DNAH11: variants seen among roughly 807,000 people sequenced by gnomAD.
The protein encoded by DNAH11 is dynein axonemal heavy chain 11.
Under a neutral mutation model 526.0 loss-of-function variants are expected in DNAH11, and 442 were observed. That is an observed-to-expected ratio of 0.84 (90% CI 0.78 to 0.91). The LOEUF is 0.91. Ranked by LOEUF, DNAH11 falls within the 40% of genes least tolerant of loss-of-function variation. The probability of loss-of-function intolerance (pLI) is 0.00; values close to 1 mark genes in which losing one functional copy is unlikely to be tolerated. For synonymous variants in DNAH11, 2,461 were observed against 1,935.9 expected (o/e 1.27, Z -7.12); for missense variants, 6,989 against 5,448.7 (o/e 1.28, Z -8.90).
At position 21,638,335 on chromosome 7, in the gene DNAH11, T is replaced by G. The variant is rs182460841; in HGVS notation, c.4818-604T>G. 1.8e-4 allele frequency among the ~76,000 whole-genome samples: 27 copies of G among 152,322 alleles called. No individual in the cohort carries two copies. In the East Asian group the frequency reaches 4.4e-3, roughly 25 times the overall value. ...CAGAGCAGTTTTATAGTCTGAAAGT[T>G]TTTTTGGTAACGAAAAGGGCGAAGT... On this transcript the variant is annotated intron_variant, in intron 27 of 81. Transcript: ENST00000409508.
intron 5 of DNAH11, among the ~76,000 whole-genome samples, chr7:21,562,348 T>C (rs1783496691): frequency 6.6e-6 from 1 of 152,212 alleles, no homozygotes; most frequent in South Asian, 2.1e-4. Flanking sequence ...GGGGGCAAGA[T>C]TTCTCCTGGT....
intron 76 of DNAH11, among the ~76,000 whole-genome samples, 153 bp from the exon 77 acceptor site, chr7:21,892,272 C>A (rs1784352195): frequency 6.6e-6 from 1 of 152,158 alleles, no homozygotes; most frequent in African/African-American, 2.4e-5. Context: ...GCATATAGAG[C>A]AAAATTGTTG....
intron 55 of DNAH11, 22 bp downstream of exon 55, chr7:21,765,611 CACACACACACACACACACA>C: frequency 3.4e-6 from 1 of 290,830 alleles, no homozygotes; most frequent in Non-Finnish European, 3.9e-6. Flanking sequence ...CAGCCTGCGT[CACACACACACACACACACA>C]CACACACACA....
At position 21,786,692 on chromosome 7, in the gene DNAH11, G is replaced by A; in HGVS notation, c.9666G>A (p.Val3222=). The A allele has an allele frequency of 6.2e-7, 1 of 1,613,874 alleles. No individual in the cohort carries two copies. Among genetic ancestry groups the A allele is most frequent in the Non-Finnish European group, 8.5e-7 (1 of 1,179,798 alleles). The change falls in exon 59 of 82, where the codon GTG becomes GTA. Residue 3222 remains valine (V), a synonymous_variant. Transcript: ENST00000409508. ...PIAVTNVTAA[V]MVLLAPRGRV... Reference sequence around the variant, plus strand: ...CAGTTACCAATGTTACTGCAGCCGTGATGGTCCTTCTGGCTCCTCGGGGAA... The same window carrying A: ...CAGTTACCAATGTTACTGCAGCCGTAATGGTCCTTCTGGCTCCTCGGGGAA...
At chr7:21,773,618 C>T (rs1042021076) in intron 55 of DNAH11, 148 bp from the exon 56 acceptor site, 41 of 615,408 alleles carry the variant, frequency 6.7e-5, no homozygotes, top group South Asian at 2.4e-4. Flanking sequence ...CTGTGGATAG[C>T]GCTTAAAGAT....
Position 21,748,713 on chromosome 7 carries a change from A to G in DNAH11, c.8644A>G (p.Thr2882Ala). The change falls in exon 52 of 82, where the codon ACC becomes GCC. Residue 2882 changes from threonine (T) to alanine (A), a missense_variant. Coordinates refer to ENST00000409508, the MANE Select transcript of DNAH11 (RefSeq NM_001277115.2). Reference protein sequence around the residue: ...RGLEVFQITLTEGYGIQELRV... With the variant: ...RGLEVFQITLAEGYGIQELRV... Reference sequence around the variant, plus strand: ...CCTTGAGGTCTTTCAGATCACTCTGACCGAGGGCTATGGAATCCAGGAACT... The same window carrying G: ...CCTTGAGGTCTTTCAGATCACTCTGGCCGAGGGCTATGGAATCCAGGAACT... The G allele has an allele frequency of 6.2e-7, 1 of 1,613,258 alleles. No homozygotes were observed. The highest frequency in any genetic ancestry group is 8.5e-7 in the Non-Finnish European group (1 of 1,179,576).
At chr7:21,589,541 C>T (rs769062810) in intron 12 of DNAH11, 138 bp downstream of exon 12, 11 of 651,086 alleles carry the variant, frequency 1.7e-5, no homozygotes, top group Non-Finnish European at 2.7e-5. Flanking sequence ...CAATTTCTTA[C>T]AGGTCTTCAT....
chr7:21,580,152 G>A (rs1316269118), intron 8 of DNAH11, among the ~76,000 whole-genome samples: 2 of 152,120 alleles, frequency 1.3e-5, no homozygotes, highest in Non-Finnish European at 2.9e-5. Context: ...TGAGAAGGGA[G>A]GGAGGTGACA....
intron 30 of DNAH11, among the ~76,000 whole-genome samples, chr7:21,677,331 G>T (rs1782935784): frequency 6.6e-6 from 1 of 151,376 alleles, no homozygotes; most frequent in Non-Finnish European, 1.5e-5. Flanking sequence ...ATAATTCTTG[G>T]AATATTTAAT....
Position 21,704,597 on chromosome 7 carries a change from G to T in DNAH11, c.6437G>T (p.Arg2146Leu), listed in dbSNP as rs727505321. ...GTCAGGCAGTCTACCCTGGAGCTCC[G>T]CCTGCAGCCTGAAGAGAGCTTCATC... ...QMVRQSTLEL[R>L]LQPEESFILK... is the part of the protein sequence containing the mutation. The change falls in exon 38 of 82, where the codon CGC becomes CTC. Residue 2146 changes from arginine to leucine, a missense_variant. By Grantham distance (102) the Arg-to-Leu change is moderately radical (BLOSUM62 -2). Coordinates refer to ENST00000409508, the MANE Select transcript of DNAH11 (RefSeq NM_001277115.2). 6 of 1,608,532 alleles carry T rather than the reference G, an allele frequency of 3.7e-6. No homozygotes were observed. The South Asian group carries it at 5.6e-5, about 15-fold the overall frequency.
chr7:21,854,569 A>T, intron 68 of DNAH11, 114 bp downstream of exon 68: 1 of 1,177,512 alleles, frequency 8.5e-7, no homozygotes, highest in Non-Finnish European at 1.2e-6. Flanking sequence ...ACTATTATTG[A>T]GACAGAGTCT....
At chr7:21,607,210 G>A (rs1266558185) in intron 20 of DNAH11, among the ~76,000 whole-genome samples, 1 of 152,106 alleles carries the variant, frequency 6.6e-6, no homozygotes, top group Non-Finnish European at 1.5e-5. Context: ...TCCAGTGTTC[G>A]TGGACAAGAA....
chr7:21,720,728 CTA>C lies in DNAH11; in HGVS notation c.7140_7141del (p.Val2382SerfsTer9), dbSNP rs878854445. On this transcript the variant is annotated frameshift_variant, in exon 44 of 82. Coordinates refer to ENST00000409508, the MANE Select transcript of DNAH11 (RefSeq NM_001277115.2). LOFTEE classifies it high-confidence loss of function. ...SIPESSLVQT[L>X]CVLLECLLTP... ...TTGACTATTTCTTTTTCTTTAGACT[CTA>C]TGTGTTCTTTTGGAGTGCTTGCTGA... 14 of 1,567,604 alleles carry C rather than the reference CTA, an allele frequency of 8.9e-6. No homozygotes were observed. The African/African-American group carries it at 1.5e-4, about 17-fold the overall frequency.
At chr7:21,860,545 G>A (rs958432486) in intron 68 of DNAH11, among the ~76,000 whole-genome samples, 4 of 152,328 alleles carry the variant, frequency 2.6e-5, no homozygotes, top group African/African-American at 9.6e-5. Flanking sequence ...AAGCAACCCA[G>A]ATGTCCGTCA....
At chr7:21,818,464 C>T in intron 65 of DNAH11, 125 bp downstream of exon 65, 2 of 1,008,148 alleles carry the variant, frequency 2.0e-6, no homozygotes, top group Non-Finnish European at 1.4e-6. Context: ...CCATTTCATG[C>T]ACCTACACTC....
intron 9 of DNAH11, among the ~76,000 whole-genome samples, chr7:21,584,033 A>G (rs997925066): frequency 1.3e-5 from 2 of 152,212 alleles, no homozygotes; most frequent in African/African-American, 4.8e-5. Flanking sequence ...TTCCTCAAGG[A>G]TCTAGAACCA....
At chr7:21,683,509 A>AG (rs376860873) in intron 31 of DNAH11, among the ~76,000 whole-genome samples, 5 of 148,580 alleles carry the variant, frequency 3.4e-5, no homozygotes, top group African/African-American at 1.3e-4. Context: ...AGATTTATCT[A>AG]ATCCCCTGGG....
At chr7:21,553,816 T>C (rs906541506) in intron 2 of DNAH11, among the ~76,000 whole-genome samples, 2 of 152,216 alleles carry the variant, frequency 1.3e-5, no homozygotes, top group Non-Finnish European at 2.9e-5. Flanking sequence ...TTCATTTTTA[T>C]TTATGCTTTT....
rs560480604 is a variant in DNAH11 at position 21,800,259 on chromosome 7, T to C, written c.10027-878T>C. On this transcript the variant is annotated intron_variant, in intron 61 of 81. Coordinates refer to ENST00000409508, the MANE Select transcript of DNAH11 (RefSeq NM_001277115.2). ...GGTGTTCCCTCTTTAAACGCAGCCC[T>C]GTGATTCACACATCCTCCCAGGTCT... 2.6e-5 allele frequency among the ~76,000 whole-genome samples: 4 copies of C among 152,310 alleles called. No individual in the cohort carries two copies. The South Asian group carries it at 8.3e-4, about 32-fold the overall frequency.
Sources: gnomAD v4.1 joint callset for allele counts (sites outside exome capture counted in the v4.1 genomes callset) on GRCh38, gnomAD v4.1.1 for gene constraint, MANE v1.5 for transcripts, NCBI Gene and HGNC (gene_info 2026-07-23, HGNC 2026-07-21) for gene names.